The following ARHGAP42 variants were observed in gnomAD, a reference collection of about 807,000 sequenced individuals.
ARHGAP42 encodes the protein rho GTPase-activating protein 42.
ARHGAP42 carries 63 observed loss-of-function variants against 125.0 expected under a neutral mutation model. The observed-to-expected ratio is 0.50, with a 90% CI of 0.41 to 0.62. ARHGAP42 has a LOEUF of 0.62. Among genes scored for constraint, ARHGAP42 ranks in the 20% least tolerant of loss-of-function variants. The pLI is 0.00. For synonymous variants in ARHGAP42, 339 were observed against 351.0 expected, an observed-to-expected ratio of 0.97 and a Z score of 0.38; for missense variants, 766 against 1,024.2, an observed-to-expected ratio of 0.75 and a Z score of 3.44.
intron 1 of ARHGAP42, among the ~76,000 whole-genome samples, chr11:100,692,775 G>A (rs1033679054): frequency 1.3e-5 from 2 of 152,110 alleles, no homozygotes; most frequent in African/African-American, 2.4e-5. Context: ...TTTGAGATAC[G>A]CTGCTATGAT....
At chr11:100,726,306 A>G (rs1651113201) in intron 1 of ARHGAP42, among the ~76,000 whole-genome samples, 1 of 152,172 alleles carries the variant, frequency 6.6e-6, no homozygotes, top group Admixed American at 6.5e-5. Context: ...TCCTGGCTCT[A>G]TTTTGTATTA....
intron 4 of ARHGAP42, among the ~76,000 whole-genome samples, chr11:100,875,759 G>GGT (rs147014235): frequency 0.055 from 6,148 of 111,826 alleles, 172 homozygotes; most frequent in Non-Finnish European, 0.081. Flanking sequence ...CGTCCAGGGT[G>GGT]GCGGGGGGTG....
In ARHGAP42 at chr11:100,687,641, C is replaced by A; in HGVS notation, c.-38C>A. 1 of 1,393,584 alleles carries A rather than the reference C, an allele frequency of 7.2e-7. No individual in the cohort carries two copies. The allele number at this position is 1,393,584 out of a possible 1,614,324, so 86.3% of individuals were successfully genotyped here. A position where few individuals can be genotyped will look rare whatever the true frequency, so the allele number is the denominator to read the frequency against. ...GCTGCCCCCGCCCTGACCTCCGGCCCGGACGTGTCCGCGGCCGCCGCTGGC... is the reference window on the plus strand; with the variant it reads ...GCTGCCCCCGCCCTGACCTCCGGCCAGGACGTGTCCGCGGCCGCCGCTGGC... On this transcript the variant is annotated 5_prime_UTR_variant, in exon 1 of 24. Coordinates refer to ENST00000298815, the MANE Select transcript of ARHGAP42 (RefSeq NM_152432.4).
rs556346930 is a variant in ARHGAP42, at chr11:100,986,848, G to GA, written c.2457-654dup. On this transcript the variant is annotated intron_variant, in intron 22 of 23. Coordinates refer to ENST00000298815, the MANE Select transcript of ARHGAP42 (RefSeq NM_152432.4). ...TAACTCCTAAATTCTGACTTCACTT[G>GA]AAAAAAAAAAAGAGTATCTGGTATG... Among the ~76,000 whole-genome samples, 230 of 143,246 alleles carry GA rather than the reference G, an allele frequency of 1.6e-3. 1 individual carries two copies. The highest frequency in any genetic ancestry group is 4.5e-3 in the African/African-American group (175 of 39,206). The allele number at this position is 143,246 out of a possible 152,430, so 94.0% of individuals were successfully genotyped here.
At chr11:100,785,525 G>A (rs1428671290) in intron 2 of ARHGAP42, among the ~76,000 whole-genome samples, 1 of 152,186 alleles carries the variant, frequency 6.6e-6, no homozygotes, top group African/African-American at 2.4e-5. Flanking sequence ...GAGGTTAAGA[G>A]GTTGTGGAAA....
intron 10 of ARHGAP42, among the ~76,000 whole-genome samples, chr11:100,947,717 G>C (rs564760569): frequency 6.6e-6 from 1 of 151,806 alleles, no homozygotes; most frequent in South Asian, 2.1e-4. Context: ...TGTCATTCCA[G>C]GTTTTTAATT....
intron 4 of ARHGAP42, among the ~76,000 whole-genome samples, chr11:100,898,911 C>G (rs1866444513): frequency 6.6e-6 from 1 of 152,050 alleles, no homozygotes. Flanking sequence ...TCTTCCTTCT[C>G]TAGTTCTTTT....
intron 1 of ARHGAP42, among the ~76,000 whole-genome samples, chr11:100,707,414 G>A (rs528937543): frequency 5.3e-5 from 8 of 152,190 alleles, no homozygotes; most frequent in South Asian, 2.1e-4. Flanking sequence ...ATTATTTTTC[G>A]TAACAAATTC....
intron 10 of ARHGAP42, among the ~76,000 whole-genome samples, chr11:100,944,966 A>G (rs184875843): frequency 3.0e-4 from 46 of 152,200 alleles, no homozygotes; most frequent in African/African-American, 9.1e-4. Context: ...TCTCTGTACC[A>G]TGCAATGCTG....
chr11:100,903,881 T>C (rs896881067), intron 4 of ARHGAP42, among the ~76,000 whole-genome samples: 1 of 151,456 alleles, frequency 6.6e-6, no homozygotes, highest in Admixed American at 6.6e-5. Flanking sequence ...TGGAATCCGA[T>C]GTTCGAGGGC....
At chr11:100,744,797 G>A (rs916114831) in intron 1 of ARHGAP42, among the ~76,000 whole-genome samples, 1 of 152,042 alleles carries the variant, frequency 6.6e-6, no homozygotes, top group African/African-American at 2.4e-5. Flanking sequence ...ATAAAGTTTC[G>A]GTGCCGCAAA....
chr11:100,734,136 T>C (rs1862015537), intron 1 of ARHGAP42, among the ~76,000 whole-genome samples: 1 of 151,012 alleles, frequency 6.6e-6, no homozygotes, highest in Non-Finnish European at 1.5e-5. Flanking sequence ...GGTTTCACTG[T>C]GTTGGCCAGG....
intron 1 of ARHGAP42, among the ~76,000 whole-genome samples, chr11:100,739,114 T>C (rs1186115236): frequency 6.6e-6 from 1 of 152,212 alleles, no homozygotes; most frequent in Non-Finnish European, 1.5e-5. Context: ...TGACAGTGGC[T>C]TTTTTCTTCT....
chr11:100,760,997 G>A (rs1862689736), intron 1 of ARHGAP42, among the ~76,000 whole-genome samples: 1 of 152,186 alleles, frequency 6.6e-6, no homozygotes, highest in Non-Finnish European at 1.5e-5. Context: ...GTGAGTGGTT[G>A]TACTGGGGCA....
intron 5 of ARHGAP42, among the ~76,000 whole-genome samples, 186 bp downstream of exon 5, chr11:100,913,739 T>A (rs977049818): frequency 2.6e-5 from 4 of 151,818 alleles, no homozygotes; most frequent in African/African-American, 9.7e-5. Context: ...AAGTGAAGGA[T>A]CAATATTTCT....
chr11:100,943,688 G>A, intron 9 of ARHGAP42, 71 bp from the exon 10 acceptor site: 1 of 1,060,754 alleles, frequency 9.4e-7, no homozygotes, highest in Non-Finnish European at 1.4e-6. Context: ...GTGGCAACTT[G>A]AGCTCACATA....
intron 1 of ARHGAP42, among the ~76,000 whole-genome samples, chr11:100,740,570 T>C (rs1862163028): frequency 6.6e-6 from 1 of 152,204 alleles, no homozygotes; most frequent in Non-Finnish European, 1.5e-5. Context: ...AGCCAGAAGC[T>C]TTATGGTATA....
intron 4 of ARHGAP42, among the ~76,000 whole-genome samples, chr11:100,873,619 G>T (rs1865747142): frequency 1.3e-5 from 2 of 152,162 alleles, no homozygotes; most frequent in South Asian, 2.1e-4. Context: ...TAATAATGAA[G>T]ATCAGGATAT....
chr11:100,827,620 G>A (rs1356356402), intron 3 of ARHGAP42, among the ~76,000 whole-genome samples: 1 of 152,216 alleles, frequency 6.6e-6, no homozygotes, highest in Non-Finnish European at 1.5e-5. Context: ...GAATACCATG[G>A]GGTATAGAAG....
Sources: allele counts gnomAD v4.1 joint callset (sites outside exome capture counted in the v4.1 genomes callset), GRCh38; gene constraint gnomAD v4.1.1; transcripts MANE v1.5; gene names NCBI Gene and HGNC (gene_info 2026-07-23, HGNC 2026-07-21).